Variants in AOAH observed in about 807,000 individuals in gnomAD.
AOAH encodes the protein acyloxyacyl hydrolase, also known as acyloxyacyl hydrolase (neutrophil).
In AOAH, 64 loss-of-function variants were observed where a neutral mutation model predicts 92.2. That is an observed-to-expected ratio of 0.69 (90% CI 0.57 to 0.86). The LOEUF is 0.86. Ranked by LOEUF, AOAH falls within the 40% of genes least tolerant of loss-of-function variation. The pLI is 0.00. For synonymous variants in AOAH, 263 were observed against 254.5 expected, an observed-to-expected ratio of 1.03 and a Z score of -0.32; for missense variants, 656 against 694.6, an observed-to-expected ratio of 0.94 and a Z score of 0.62.
At chr7:36,602,822 C>A (rs1049031009) in intron 11 of AOAH, among the ~76,000 whole-genome samples, 5 of 152,142 alleles carry the variant, frequency 3.3e-5, no homozygotes, top group African/African-American at 1.2e-4. Flanking sequence ...GTGGAGAAGA[C>A]CTCACTGGGG....
Position 36,530,518 on chromosome 7 carries a change from A to AAG in AOAH, c.1426-6_1426-5dup. The AAG allele has an allele frequency of 6.3e-7, 1 of 1,594,144 alleles. No homozygotes were observed. Among genetic ancestry groups the AAG allele is most frequent in the Non-Finnish European group, 8.6e-7 (1 of 1,162,456 alleles). ...TGTTGGAGAGTTGCTCTGCTCTCTGAAGAGAGAGGAAACAGGGAGAATTTC... is the reference window on the plus strand; with the variant it reads ...TGTTGGAGAGTTGCTCTGCTCTCTGAAGAGAGAGAGGAAACAGGGAGAATTTC... On this transcript the variant is annotated splice_region_variant and splice_polypyrimidine_tract_variant and intron_variant, in intron 18 of 20. Coordinates refer to ENST00000617537, the MANE Select transcript of AOAH (RefSeq NM_001637.4).
chr7:36,583,944 C>T (rs1436588664), intron 12 of AOAH, among the ~76,000 whole-genome samples: 1 of 152,178 alleles, frequency 6.6e-6, no homozygotes, highest in Non-Finnish European at 1.5e-5. Flanking sequence ...GAAAAGATTA[C>T]TTGTGACATA....
At chr7:36,589,401 T>C (rs1300247331) in intron 12 of AOAH, among the ~76,000 whole-genome samples, 2 of 152,220 alleles carry the variant, frequency 1.3e-5, no homozygotes, top group Admixed American at 1.3e-4. Context: ...GGCCAAACAC[T>C]GTTTCAAGAA....
chr7:36,538,895 G>A (rs1034382326), intron 16 of AOAH, among the ~76,000 whole-genome samples: 7 of 152,220 alleles, frequency 4.6e-5, no homozygotes, highest in Admixed American at 1.3e-4. Context: ...GAGGAAAATG[G>A]TTTCATCCTT....
chr7:36,720,734 G>C (rs1348439697), intron 1 of AOAH, among the ~76,000 whole-genome samples: 1 of 152,102 alleles, frequency 6.6e-6, no homozygotes, highest in African/African-American at 2.4e-5. Flanking sequence ...CTCTAAACTG[G>C]ACAGTGAATT....
rs576773322 is a variant in AOAH at position 36,608,714 on chromosome 7, A to G, written c.846+7666T>C. ...TTGAGATTCTCCACTGGGCACTGTC[A>G]TGACTGTGGAGTGAGCTTGGCATGT... is the stretch of plus-strand genomic sequence containing the variant. On this transcript the variant is annotated intron_variant, in intron 11 of 20. Transcript: ENST00000617537. Among the ~76,000 whole-genome samples, 124 of 152,258 alleles carry G rather than the reference A, an allele frequency of 8.1e-4. 1 individual carries two copies. Among genetic ancestry groups the G allele is most frequent in the Middle Eastern group, 6.8e-3 (2 of 294 alleles).
chr7:36,622,185 G>C (rs1792334033), intron 7 of AOAH, among the ~76,000 whole-genome samples: 1 of 152,158 alleles, frequency 6.6e-6, no homozygotes, highest in East Asian at 1.9e-4. Context: ...ACACACGTGT[G>C]TTTGTGTGAA....
At chr7:36,601,890 CA>C (rs1383341033) in intron 11 of AOAH, among the ~76,000 whole-genome samples, 1 of 152,184 alleles carries the variant, frequency 6.6e-6, no homozygotes, top group African/African-American at 2.4e-5. Context: ...TTCATCATAT[CA>C]TATCCAAAGG....
intron 11 of AOAH, among the ~76,000 whole-genome samples, chr7:36,605,527 C>T (rs550990390): frequency 6.6e-6 from 1 of 152,344 alleles, no homozygotes; most frequent in South Asian, 2.1e-4. Flanking sequence ...CCTCCTGATA[C>T]AGAAGTCTTT....
intron 11 of AOAH, among the ~76,000 whole-genome samples, chr7:36,610,917 G>A (rs568780715): frequency 2.0e-5 from 3 of 152,158 alleles, no homozygotes; most frequent in Non-Finnish European, 4.4e-5. Flanking sequence ...GAAGCTTGGC[G>A]CCAAGACCAA....
chr7:36,570,173 C>T (rs1031212693), intron 13 of AOAH, among the ~76,000 whole-genome samples: 1 of 152,100 alleles, frequency 6.6e-6, no homozygotes, highest in Non-Finnish European at 1.5e-5. Context: ...TATTTCCCTC[C>T]CCTTCTCCCA....
In AOAH at chr7:36,679,311, A is replaced by G. The variant is rs539863638; in HGVS notation, c.224-5302T>C. 1.7e-3 allele frequency among the ~76,000 whole-genome samples: 263 copies of G among 150,536 alleles called. 2 individuals carry two copies. Among genetic ancestry groups the G allele is most frequent in the African/African-American group, 6.0e-3 (248 of 41,318 alleles). On this transcript the variant is annotated intron_variant, in intron 2 of 20. Coordinates refer to ENST00000617537, the MANE Select transcript of AOAH (RefSeq NM_001637.4). ...AAATATATATATAAAAAATAAAAAT[A>G]AAAAAAAGTATTGAGGCCTCAAAAA...
intron 4 of AOAH, among the ~76,000 whole-genome samples, chr7:36,640,362 T>C (rs951190612): frequency 2.0e-5 from 3 of 152,182 alleles, no homozygotes; most frequent in African/African-American, 7.2e-5. Flanking sequence ...TTCTGCAAGA[T>C]GCAGTTTGGG....
chr7:36,543,947 C>CTTTCTTTTTTTTTTTTTTTTT (rs55745823), intron 15 of AOAH, among the ~76,000 whole-genome samples: 1 of 91,006 alleles, frequency 1.1e-5, no homozygotes, highest in Non-Finnish European at 2.0e-5. Flanking sequence ...TTCTTTCTTT[C>CTTTCTTTTTTTTTTTTTTTTT]TTTTTTTTTT....
At chr7:36,645,469 G>A (rs1159244259) in intron 4 of AOAH, among the ~76,000 whole-genome samples, 1 of 152,178 alleles carries the variant, frequency 6.6e-6, no homozygotes, top group Non-Finnish European at 1.5e-5. Context: ...ATCAGAAAGA[G>A]CCAACAGAGA....
chr7:36,557,869 T>C (rs1353461138), intron 13 of AOAH, among the ~76,000 whole-genome samples: 1 of 151,880 alleles, frequency 6.6e-6, no homozygotes, highest in African/African-American at 2.4e-5. Flanking sequence ...TATTGGTTAT[T>C]CTAGTTATAC....
intron 1 of AOAH, among the ~76,000 whole-genome samples, chr7:36,710,826 T>C (rs1584171782): frequency 6.6e-6 from 1 of 152,230 alleles, no homozygotes; most frequent in East Asian, 1.9e-4. Context: ...GCACAGTTTC[T>C]ATGCATTTCT....
At chr7:36,611,015 TG>T (rs1354218953) in intron 11 of AOAH, among the ~76,000 whole-genome samples, 1 of 152,172 alleles carries the variant, frequency 6.6e-6, no homozygotes, top group South Asian at 2.1e-4. Flanking sequence ...ACTGGAGATT[TG>T]GAGTGGTTGG....
chr7:36,664,089 GT>G (rs1459176508), intron 3 of AOAH, among the ~76,000 whole-genome samples: 7 of 151,570 alleles, frequency 4.6e-5, no homozygotes, highest in Non-Finnish European at 1.0e-4. Flanking sequence ...AGTTTTAAGA[GT>G]TTTTTTATGT....
Sources: gnomAD v4.1 joint callset for allele counts (sites outside exome capture counted in the v4.1 genomes callset) on GRCh38, gnomAD v4.1.1 for gene constraint, MANE v1.5 for transcripts, NCBI Gene and HGNC (gene_info 2026-07-23, HGNC 2026-07-21) for gene names.